Variants in CRPPA observed in about 807,000 individuals in gnomAD.
CRPPA encodes the protein CDP-L-ribitol pyrophosphorylase A.
In CRPPA, 43 loss-of-function variants were observed where a neutral mutation model predicts 52.0. The observed-to-expected ratio is 0.83, with a 90% CI of 0.65 to 1.07. The LOEUF is 1.07. Among genes scored for constraint, CRPPA ranks in the 50% least tolerant of loss-of-function variants. CRPPA has a pLI of 0.00. For missense variants in CRPPA, 629 were observed against 551.7 expected, an observed-to-expected ratio of 1.14 and a Z score of -1.40; for synonymous variants, 250 against 203.5, an observed-to-expected ratio of 1.23 and a Z score of -1.94.
At chr7:16,372,332 T>C (rs1343426542) in intron 3 of CRPPA, among the ~76,000 whole-genome samples, 1 of 152,180 alleles carries the variant, frequency 6.6e-6, no homozygotes, top group African/African-American at 2.4e-5. Context: ...GAAAACCTAT[T>C]AGACTAACAG....
intron 9 of CRPPA, among the ~76,000 whole-genome samples, chr7:16,187,424 T>C (rs1781527522): frequency 6.6e-6 from 1 of 152,204 alleles, no homozygotes; most frequent in Admixed American, 6.5e-5. Flanking sequence ...ATTTCAATAA[T>C]CCATGCTAGC....
At chr7:16,142,988 A>G (rs1782902985) in intron 9 of CRPPA, among the ~76,000 whole-genome samples, 1 of 152,234 alleles carries the variant, frequency 6.6e-6, no homozygotes, top group Admixed American at 6.5e-5. Flanking sequence ...TAGGGTTGGC[A>G]GTTTTATACT....
chr7:16,216,908 G>GC (rs1010674309), intron 8 of CRPPA, among the ~76,000 whole-genome samples: 9 of 151,978 alleles, frequency 5.9e-5, no homozygotes, highest in Non-Finnish European at 1.2e-4. Context: ...AAACAAAGCA[G>GC]CCGGGAAGCT....
At chr7:16,344,405 C>CAAAAAAAAA (rs35320924) in intron 3 of CRPPA, among the ~76,000 whole-genome samples, 2 of 99,374 alleles carry the variant, frequency 2.0e-5, no homozygotes, top group Non-Finnish European at 3.9e-5. Flanking sequence ...TATCTCTACC[C>CAAAAAAAAA]AAAAAAAAAA....
At chr7:16,383,209 C>T (rs987669334) in intron 2 of CRPPA, among the ~76,000 whole-genome samples, 3 of 152,194 alleles carry the variant, frequency 2.0e-5, no homozygotes, top group African/African-American at 7.2e-5. Flanking sequence ...TTCCTTCTAA[C>T]AGACAGGACC....
intron 1 of CRPPA, among the ~76,000 whole-genome samples, chr7:16,407,166 T>C (rs1787973500): frequency 6.6e-6 from 1 of 152,038 alleles, no homozygotes; most frequent in African/African-American, 2.4e-5. Flanking sequence ...TTAGTAGAGA[T>C]AGGGTTTCAT....
rs1781834564 is a variant in CRPPA at position 16,091,418 on chromosome 7, T to A, written c.*277A>T. ...ATCATTATTTCTATTTGACCGTTCA[T>A]GTCTCTGTGGAAAGATTCATTTGAA... On this transcript the variant is annotated 3_prime_UTR_variant, in exon 10 of 10. Transcript: ENST00000407010. The A allele has an allele frequency of 3.5e-6, 1 of 286,304 alleles. No homozygotes were observed. The allele number at this position is 286,304 out of a possible 1,614,324, so 17.7% of individuals were successfully genotyped here. A position where few individuals can be genotyped will look rare whatever the true frequency, so the allele number is the denominator to read the frequency against.
At chr7:16,189,311 GCA>G (rs2128389975) in intron 9 of CRPPA, among the ~76,000 whole-genome samples, 1 of 152,246 alleles carries the variant, frequency 6.6e-6, no homozygotes, top group East Asian at 1.9e-4. Flanking sequence ...ACTGGGTTGG[GCA>G]CAGCAGAGCC....
At chr7:16,162,824 A>C (rs1780936540) in intron 9 of CRPPA, among the ~76,000 whole-genome samples, 1 of 152,026 alleles carries the variant, frequency 6.6e-6, no homozygotes, top group South Asian at 2.1e-4. Context: ...GTCTCTTTGT[A>C]GGTCTCTAAG....
chr7:16,146,426 C>T (rs1274193531), intron 9 of CRPPA, among the ~76,000 whole-genome samples: 1 of 151,992 alleles, frequency 6.6e-6, no homozygotes, highest in Non-Finnish European at 1.5e-5. Context: ...AAGATAAAAA[C>T]AAATGAAAGT....
intron 9 of CRPPA, among the ~76,000 whole-genome samples, chr7:16,126,513 T>C (rs1278671323): frequency 6.6e-6 from 1 of 152,160 alleles, no homozygotes; most frequent in East Asian, 1.9e-4. Flanking sequence ...ATTTAACAAA[T>C]ATTCAAAGAA....
intron 2 of CRPPA, among the ~76,000 whole-genome samples, chr7:16,390,404 A>G (rs1215780598): frequency 6.6e-6 from 1 of 152,134 alleles, no homozygotes; most frequent in Non-Finnish European, 1.5e-5. Context: ...ATCTATTTCA[A>G]TCAGGCCATT....
intron 9 of CRPPA, among the ~76,000 whole-genome samples, chr7:16,191,583 G>C (rs1408468453): frequency 6.6e-6 from 1 of 152,082 alleles, no homozygotes; most frequent in Non-Finnish European, 1.5e-5. Context: ...CTTGCACAGA[G>C]TGCGCTTGAT....
At chr7:16,314,827 T>C (rs559168634) in intron 3 of CRPPA, among the ~76,000 whole-genome samples, 7 of 152,216 alleles carry the variant, frequency 4.6e-5, no homozygotes, top group African/African-American at 1.7e-4. Flanking sequence ...TCTTTTGCTT[T>C]TGTGTAGCTT....
intron 3 of CRPPA, among the ~76,000 whole-genome samples, chr7:16,356,852 G>A (rs1293358185): frequency 2.6e-5 from 4 of 152,164 alleles, no homozygotes; most frequent in Non-Finnish European, 5.9e-5. Context: ...ACTGAGCACT[G>A]TAAATGATGT....
chr7:16,344,394 C>A (rs1433961381), intron 3 of CRPPA, among the ~76,000 whole-genome samples: 2 of 122,002 alleles, frequency 1.6e-5, no homozygotes, highest in African/African-American at 6.2e-5. Flanking sequence ...TAGCAAGAAC[C>A]TATCTCTACC....
intron 8 of CRPPA, among the ~76,000 whole-genome samples, chr7:16,216,870 G>A (rs1227549007): frequency 1.3e-4 from 19 of 151,888 alleles, no homozygotes; most frequent in Admixed American, 2.0e-4. Context: ...GGGGAGGGGC[G>A]CCCGCCATTG....
At chr7:16,321,907 G>A (rs899685367) in intron 3 of CRPPA, among the ~76,000 whole-genome samples, 3 of 151,944 alleles carry the variant, frequency 2.0e-5, no homozygotes, top group Non-Finnish European at 4.4e-5. Flanking sequence ...TGAGGCTTAG[G>A]AAAAACCATA....
intron 6 of CRPPA, among the ~76,000 whole-genome samples, chr7:16,271,769 A>G (rs1039553738): frequency 6.6e-6 from 1 of 152,174 alleles, no homozygotes; most frequent in African/African-American, 2.4e-5. Flanking sequence ...TGTTTTCCTT[A>G]GAATATTCAT....
Sources: gnomAD v4.1 joint callset for allele counts (sites outside exome capture counted in the v4.1 genomes callset) on GRCh38, gnomAD v4.1.1 for gene constraint, MANE v1.5 for transcripts, NCBI Gene and HGNC (gene_info 2026-07-23, HGNC 2026-07-21) for gene names.